TMEM63C: variants seen among roughly 807,000 people sequenced by gnomAD.
TMEM63C encodes osmosensitive cation channel TMEM63C.
In TMEM63C, 32 loss-of-function variants were observed where a neutral mutation model predicts 99.2. The ratio of observed to expected loss-of-function variants is 0.32; its 90% CI spans 0.24 to 0.43. The LOEUF (loss-of-function observed/expected upper bound fraction) is 0.43. Among genes scored for constraint, TMEM63C ranks in the 20% least tolerant of loss-of-function variants. TMEM63C has a pLI of 1.00. For synonymous variants in TMEM63C, 376 were observed against 397.9 expected, an observed-to-expected ratio of 0.94 and a Z score of 0.66; for missense variants, 826 against 1,053.0, an observed-to-expected ratio of 0.78 and a Z score of 2.98.
At position 77,256,870 on chromosome 14, in the gene TMEM63C, A is replaced by G; in HGVS notation, c.*144A>G. ...AGTGGAGACATCCACCACCCCAGCC[A>G]TGGGCCATACGGGGGTCCTGACCTG... On this transcript the variant is annotated 3_prime_UTR_variant, in exon 24 of 24. Transcript: ENST00000298351. 1 of 769,084 alleles carries G rather than the reference A, an allele frequency of 1.3e-6. No homozygotes were observed. The highest frequency in any genetic ancestry group is 2.1e-6 in the Non-Finnish European group (1 of 486,252). The allele number at this position is 769,084 out of a possible 1,614,324, so 47.6% of individuals were successfully genotyped here. A position where few individuals can be genotyped will look rare whatever the true frequency, so the allele number is the denominator to read the frequency against.
chr14:77,214,181 T>C (rs1888541417), intron 2 of TMEM63C, among the ~76,000 whole-genome samples: 1 of 152,182 alleles, frequency 6.6e-6, no homozygotes, highest in Non-Finnish European at 1.5e-5. Flanking sequence ...CTCCTTGTGT[T>C]CCAGGCATTG....
At chr14:77,212,188 G>T (rs1888506199) in intron 1 of TMEM63C, 1 of 152,262 alleles carries the variant, frequency 6.6e-6, no homozygotes, top group Non-Finnish European at 1.5e-5. Flanking sequence ...GGATTTATGT[G>T]AATTATCTTA....
intron 1 of TMEM63C, among the ~76,000 whole-genome samples, chr14:77,204,885 T>C (rs1888369279): frequency 6.6e-6 from 1 of 152,316 alleles, no homozygotes; most frequent in Non-Finnish European, 1.5e-5. Flanking sequence ...GGCTAGTAAG[T>C]AGCAGAGGCA....
intron 1 of TMEM63C, among the ~76,000 whole-genome samples, chr14:77,194,686 A>T (rs564314070): frequency 6.0e-5 from 9 of 151,238 alleles, no homozygotes; most frequent in Non-Finnish European, 1.2e-4. Context: ...TAATTCTCCC[A>T]CCTCAGCTTC....
At chr14:77,230,251 C>T (rs1487702687) in intron 6 of TMEM63C, among the ~76,000 whole-genome samples, 4 of 151,990 alleles carry the variant, frequency 2.6e-5, no homozygotes, top group African/African-American at 9.7e-5. Flanking sequence ...AAGGCTGTGC[C>T]ACCATCATCC....
chr14:77,248,357 C>A lies in TMEM63C; in HGVS notation c.1612C>A (p.Leu538Met). The stretch of plus-strand genomic sequence containing the variant: ...TCCCTCACTGCCCAGGTGTGTGTTC[C>A]TGCCAGACAACGGCGCCTTCTTTGT... ...QASIRFQCVF[L>M]PDNGAFFVNY... Residue 538 changes from leucine (L) to methionine (M), a missense_variant, in exon 19 of 24, where the codon CTG becomes ATG. Transcript: ENST00000298351. The A allele has an allele frequency of 6.2e-7, 1 of 1,610,590 alleles. No homozygotes were observed. Among genetic ancestry groups the A allele is most frequent in the South Asian group, 1.1e-5 (1 of 90,334 alleles).
intron 8 of TMEM63C, among the ~76,000 whole-genome samples, chr14:77,235,300 A>AG (rs1237530598): frequency 1.3e-5 from 2 of 148,366 alleles, no homozygotes; most frequent in East Asian, 2.0e-4. Context: ...GATCGGTGGG[A>AG]GGGGAGGGTC....
chr14:77,185,352 A>G (rs1485989057), intron 1 of TMEM63C, among the ~76,000 whole-genome samples: 2 of 152,226 alleles, frequency 1.3e-5, no homozygotes, highest in African/African-American at 2.4e-5. Context: ...CCAACAGGAA[A>G]CCAAACTGTC....
chr14:77,218,153 A>G (rs1888620645), intron 2 of TMEM63C, among the ~76,000 whole-genome samples: 1 of 151,386 alleles, frequency 6.6e-6, no homozygotes. Context: ...TGATGTGCTT[A>G]TATCTCATTG....
Position 77,256,715 on chromosome 14 carries a change from C to T in TMEM63C, c.2410C>T (p.Gln804Ter). ...QEGLELEGQNQYH is the reference protein window; with the variant it reads ...QEGLELEGQN ...AGGGCTGGAACTGGAGGGCCAGAAC[C>T]AGTACCACTGACCGGGACCTGAGGC... Residue 804 changes from glutamine (Q) to a stop codon, truncating the protein, a stop_gained, in exon 24 of 24, where the codon CAG (glutamine) becomes TAG (stop). Coordinates refer to ENST00000298351, the MANE Select transcript of TMEM63C (RefSeq NM_020431.4). LOFTEE classifies it high-confidence loss of function. 6.2e-7 allele frequency: 1 copy of T among 1,613,830 alleles called. No homozygotes were observed. Among genetic ancestry groups the T allele is most frequent in the Non-Finnish European group, 8.5e-7 (1 of 1,179,798 alleles).
chr14:77,246,687 A>G lies in TMEM63C; in HGVS notation c.1601+13A>G. On this transcript the variant is annotated intron_variant, in intron 18 of 23. Transcript: ENST00000298351. Reference sequence around the variant, plus strand: ...CCATCAGGTTCCAGTGAGTACTCCCATGTGTCCACCAGGGCTGCTGTGTGT... The same window carrying G: ...CCATCAGGTTCCAGTGAGTACTCCCGTGTGTCCACCAGGGCTGCTGTGTGT... 1 of 1,608,616 alleles carries G rather than the reference A, an allele frequency of 6.2e-7. No individual in the cohort carries two copies.
intron 2 of TMEM63C, among the ~76,000 whole-genome samples, chr14:77,216,874 C>T (rs1301413085): frequency 6.6e-6 from 1 of 152,202 alleles, no homozygotes; most frequent in Admixed American, 6.5e-5. Context: ...CACCTAGTCT[C>T]CATATGAGGA....
At chr14:77,215,674 C>T (rs57930391) in intron 2 of TMEM63C, among the ~76,000 whole-genome samples, 2,770 of 151,030 alleles carry the variant, frequency 0.018, 89 homozygotes, top group African/African-American at 0.064. Flanking sequence ...CACTGGCTGC[C>T]GCCGCCACTC....
At chr14:77,230,785 G>A (rs563589917) in intron 6 of TMEM63C, among the ~76,000 whole-genome samples, 1 of 152,224 alleles carries the variant, frequency 6.6e-6, no homozygotes, top group South Asian at 2.1e-4. Flanking sequence ...CTGGTCCCTG[G>A]TGCCAAAAAG....
In TMEM63C at chr14:77,256,603, C is replaced by T. The variant is rs1219333851; in HGVS notation, c.2298C>T (p.Gly766=). 1.9e-6 allele frequency: 3 copies of T among 1,613,912 alleles called. No individual in the cohort carries two copies. The highest frequency in any genetic ancestry group is 2.5e-6 in the Non-Finnish European group (3 of 1,179,904). Reference sequence around the variant, plus strand: ...CCTCCCCAGCCAGGCACACCTATGGCACCATGAACAACCAGCCGGAAGAGG... The same window carrying T: ...CCTCCCCAGCCAGGCACACCTATGGTACCATGAACAACCAGCCGGAAGAGG... The part of the protein sequence containing the change: ...PASSPARHTY[G]TMNNQPEEGE... The change falls in exon 24 of 24, where the codon GGC becomes GGT. Residue 766 remains glycine, a synonymous_variant. Transcript: ENST00000298351.
Position 77,242,365 on chromosome 14 carries a change from G to C in TMEM63C, c.1083G>C (p.Lys361Asn). Residue 361 changes from lysine (K) to asparagine (N), a missense_variant, in exon 14 of 24, where the codon AAG (lysine) becomes AAC (asparagine). Coordinates refer to ENST00000298351, the MANE Select transcript of TMEM63C (RefSeq NM_020431.4). ...RMAKRVRKDY[K>N]YVQCGVQPQQ... ...TCTGCAGTGTCCGTAAGGATTACAA[G>C]TATGTCCAGTGTGGTGTGCAACCCC... 6.2e-7 allele frequency: 1 copy of C among 1,607,462 alleles called. No individual in the cohort carries two copies. The highest frequency in any genetic ancestry group is 2.2e-5 in the East Asian group (1 of 44,480).
rs750489483 is a variant in TMEM63C, at chr14:77,240,607, C to A, written c.1063C>A (p.Arg355Ser). 6.8e-6 allele frequency: 11 copies of A among 1,608,222 alleles called. No homozygotes were observed. Among genetic ancestry groups the A allele is most frequent in the South Asian group, 1.1e-5 (1 of 91,040 alleles). ...CTTCCAGGACTCCAGGATGGCCAAG[C>A]GGTGAGCACCAGGCAGGCGCCCCAC... ...VTFQDSRMAKRVRKDYKYVQC... is the reference protein window; with the variant it reads ...VTFQDSRMAKSVRKDYKYVQC... Residue 355 changes from arginine (R) to serine (S), a missense_variant and splice_region_variant, in exon 13 of 24, where the codon CGT becomes AGT. Transcript: ENST00000298351.
intron 13 of TMEM63C, 102 bp downstream of exon 13, chr14:77,240,710 C>T: frequency 2.1e-6 from 3 of 1,437,026 alleles, no homozygotes; most frequent in Non-Finnish European, 2.8e-6. Context: ...CTCCCCTGGG[C>T]CCTCCATGCT....
intron 1 of TMEM63C, among the ~76,000 whole-genome samples, chr14:77,198,772 A>G (rs1888250378): frequency 1.3e-5 from 2 of 152,198 alleles, no homozygotes; most frequent in Admixed American, 1.3e-4. Context: ...GAAGCAGCGC[A>G]GCTCTGCTTG....
Sources: allele counts gnomAD v4.1 joint callset (sites outside exome capture counted in the v4.1 genomes callset), GRCh38; gene constraint gnomAD v4.1.1; transcripts MANE v1.5; gene names NCBI Gene and HGNC (gene_info 2026-07-23, HGNC 2026-07-21).